The following EBF2 variants were observed in gnomAD, a reference collection of about 807,000 sequenced individuals.
EBF2 encodes transcription factor COE2.
In EBF2, 21 loss-of-function variants were observed where a neutral mutation model predicts 72.8. That is an observed-to-expected ratio of 0.29 (90% CI 0.20 to 0.42). EBF2 has a LOEUF of 0.42. Ranked by LOEUF, EBF2 falls within the 10% of genes least tolerant of loss-of-function variation. EBF2 has a pLI of 1.00. For synonymous variants in EBF2, 299 were observed against 274.2 expected (o/e 1.09, Z -0.89); for missense variants, 637 against 731.2 (o/e 0.87, Z 1.49).
intron 6 of EBF2, among the ~76,000 whole-genome samples, chr8:25,963,414 G>A (rs774584036): frequency 8.5e-5 from 13 of 152,090 alleles, no homozygotes; most frequent in Admixed American, 2.6e-4. Flanking sequence ...AATTCTTCCC[G>A]AGTGCCAGCA....
intron 15 of EBF2, among the ~76,000 whole-genome samples, chr8:25,845,258 G>C (rs1019574963): frequency 6.6e-6 from 1 of 152,100 alleles, no homozygotes; most frequent in Non-Finnish European, 1.5e-5. Context: ...TGTTGAGGTG[G>C]AATCTTGTTC....
intron 6 of EBF2, among the ~76,000 whole-genome samples, chr8:26,010,113 G>A (rs1804952194): frequency 6.6e-6 from 1 of 152,220 alleles, no homozygotes; most frequent in African/African-American, 2.4e-5. Flanking sequence ...AGGAGCCTGA[G>A]GTCATGGAGT....
At chr8:26,036,090 G>A (rs182015217) in intron 5 of EBF2, among the ~76,000 whole-genome samples, 5 of 152,220 alleles carry the variant, frequency 3.3e-5, no homozygotes, top group East Asian at 3.9e-4. Flanking sequence ...GTGCAATGCC[G>A]GGTACAATTT....
At chr8:25,967,092 G>A (rs1209950770) in intron 6 of EBF2, among the ~76,000 whole-genome samples, 1 of 152,212 alleles carries the variant, frequency 6.6e-6, no homozygotes, top group Non-Finnish European at 1.5e-5. Flanking sequence ...ATGAAATGCA[G>A]ATGGGTCTAT....
At chr8:25,856,947 G>C (rs1373346803) in intron 14 of EBF2, among the ~76,000 whole-genome samples, 6 of 152,002 alleles carry the variant, frequency 3.9e-5, no homozygotes, top group Non-Finnish European at 5.9e-5. Context: ...AACCATATTT[G>C]TTTCTTTTAG....
chr8:26,002,364 A>G (rs1316307671), intron 6 of EBF2, among the ~76,000 whole-genome samples: 2 of 152,222 alleles, frequency 1.3e-5, no homozygotes, highest in Non-Finnish European at 1.5e-5. Flanking sequence ...TGTCATCGTT[A>G]AGAGTATTGC....
chr8:25,845,196 CT>C (rs756839967), intron 15 of EBF2, among the ~76,000 whole-genome samples: 5 of 152,036 alleles, frequency 3.3e-5, no homozygotes, highest in Admixed American at 6.6e-5. Context: ...CAAATGAACA[CT>C]GATCACTGGA....
intron 6 of EBF2, among the ~76,000 whole-genome samples, chr8:25,929,240 C>A (rs550070461): frequency 1.3e-5 from 2 of 152,268 alleles, no homozygotes; most frequent in South Asian, 4.1e-4. Flanking sequence ...GGTTAAGGAA[C>A]TTTCACAAGG....
At chr8:26,005,303 A>AATTATAT (rs1554480840) in intron 6 of EBF2, among the ~76,000 whole-genome samples, 83 of 1,016 alleles carry the variant, frequency 0.082, 9 homozygotes, top group African/African-American at 0.26. Context: ...AATTATATAT[A>AATTATAT]ATTATATATT....
At chr8:25,949,654 C>T (rs1362792330) in intron 6 of EBF2, among the ~76,000 whole-genome samples, 1 of 151,948 alleles carries the variant, frequency 6.6e-6, no homozygotes, top group Non-Finnish European at 1.5e-5. Flanking sequence ...ATGAGGTTTC[C>T]AAATCATTCC....
At chr8:25,849,312 C>G (rs1376774643) in intron 15 of EBF2, among the ~76,000 whole-genome samples, 1 of 152,168 alleles carries the variant, frequency 6.6e-6, no homozygotes, top group Non-Finnish European at 1.5e-5. Context: ...TGGGATGGCT[C>G]AGGAACCTAA....
At chr8:26,042,021 G>A in intron 2 of EBF2, 74 bp downstream of exon 2, 1 of 1,557,412 alleles carries the variant, frequency 6.4e-7, no homozygotes. Context: ...TCGCGAGAGT[G>A]ACAGATGGAA....
At chr8:25,933,436 A>T (rs1172943077) in intron 6 of EBF2, among the ~76,000 whole-genome samples, 3 of 152,192 alleles carry the variant, frequency 2.0e-5, no homozygotes, top group Non-Finnish European at 1.5e-5. Flanking sequence ...ACACAGGAAT[A>T]TGCCCTAAAG....
At chr8:25,874,807 T>C (rs2117276914) in intron 10 of EBF2, among the ~76,000 whole-genome samples, 1 of 149,022 alleles carries the variant, frequency 6.7e-6, no homozygotes, top group Non-Finnish European at 1.5e-5. Context: ...CACCTTGGGC[T>C]CCCAAGAGCT....
intron 6 of EBF2, among the ~76,000 whole-genome samples, chr8:25,938,908 C>T (rs754570382): frequency 6.6e-6 from 1 of 152,134 alleles, no homozygotes; most frequent in Non-Finnish European, 1.5e-5. Context: ...AAGCACAAAG[C>T]TCACCATTCA....
intron 6 of EBF2, among the ~76,000 whole-genome samples, chr8:25,950,556 C>A (rs528274252): frequency 2.0e-5 from 3 of 152,312 alleles, no homozygotes; most frequent in South Asian, 4.1e-4. Context: ...AAAGAGGGGA[C>A]AAAGGGAACC....
rs989597723 is a variant in EBF2 at position 25,842,404 on chromosome 8, T to C, written c.*2205A>G. 4.6e-5 allele frequency: 7 copies of C among 152,196 alleles called. No individual in the cohort carries two copies. Among genetic ancestry groups the C allele is most frequent in the African/African-American group, 1.7e-4 (7 of 41,448 alleles). The allele number at this position is 152,196 out of a possible 1,614,324, so 9.4% of individuals were successfully genotyped here. A position where few individuals can be genotyped will look rare whatever the true frequency, so the allele number is the denominator to read the frequency against. On this transcript the variant is annotated 3_prime_UTR_variant, in exon 16 of 16. Coordinates refer to ENST00000520164, the MANE Select transcript of EBF2 (RefSeq NM_022659.4). ...CATTTTGAAGACAGTACTGCACTCATCTTCATGCAAAAGGAAAATTCACAG... is the reference window on the plus strand; with the variant it reads ...CATTTTGAAGACAGTACTGCACTCACCTTCATGCAAAAGGAAAATTCACAG...
chr8:26,044,456 T>A lies in EBF2; in HGVS notation c.131+273A>T, dbSNP rs567365505. Among the ~76,000 whole-genome samples, 1,450 of 152,336 alleles carry A rather than the reference T, an allele frequency of 9.5e-3. 14 individuals are homozygous for A. Among genetic ancestry groups the A allele is most frequent in the Non-Finnish European group, 0.014 (965 of 68,032 alleles). On this transcript the variant is annotated intron_variant, in intron 1 of 15. Coordinates refer to ENST00000520164, the MANE Select transcript of EBF2 (RefSeq NM_022659.4). This position sits in a 1 kb window ranked among gnomAD's most constrained non-coding sequence, Gnocchi z 4.1. ...CTGGGAGATGTTGGGGGCTACTTTA[T>A]TTTTCCTTGCAAAGAGTGGACTGTG...
At chr8:26,011,319 G>A (rs1285351058) in intron 6 of EBF2, among the ~76,000 whole-genome samples, 3 of 152,190 alleles carry the variant, frequency 2.0e-5, no homozygotes, top group Non-Finnish European at 4.4e-5. Context: ...AAAAGAAAGC[G>A]ATAGCAGCGA....
Sources: allele counts gnomAD v4.1 joint callset (sites outside exome capture counted in the v4.1 genomes callset), GRCh38; gene constraint gnomAD v4.1.1; non-coding constraint Gnocchi (gnomAD v3.1); transcripts MANE v1.5; gene names NCBI Gene and HGNC (gene_info 2026-07-23, HGNC 2026-07-21).